The following CAMK2D variants were observed in gnomAD, a reference collection of about 807,000 sequenced individuals.
The protein encoded by CAMK2D is calcium/calmodulin-dependent protein kinase type II subunit delta.
Under a neutral mutation model 84.0 loss-of-function variants are expected in CAMK2D, and 37 were observed. The ratio of observed to expected loss-of-function variants is 0.44; its 90% confidence interval spans 0.34 to 0.58. The LOEUF (loss-of-function observed/expected upper bound fraction) is 0.58. Among genes scored for constraint, CAMK2D ranks in the 20% least tolerant of loss-of-function variants. CAMK2D has a pLI of 0.02. For synonymous variants in CAMK2D, 202 were observed against 212.5 expected (o/e 0.95, Z 0.43); for missense variants, 448 against 652.5 (o/e 0.69, Z 3.41).
intron 5 of CAMK2D, among the ~76,000 whole-genome samples, chr4:113,550,418 C>T (rs2154198098): frequency 6.6e-6 from 1 of 152,300 alleles, no homozygotes; most frequent in South Asian, 2.1e-4. Context: ...AGCAATCCTC[C>T]CACCTTGGCC....
chr4:113,671,965 T>G (rs1370300523), intron 2 of CAMK2D, among the ~76,000 whole-genome samples: 1 of 152,240 alleles, frequency 6.6e-6, no homozygotes, highest in East Asian at 1.9e-4. Flanking sequence ...TTATTTGTAA[T>G]CTTTTCCTTA....
rs2098240604 is a variant in CAMK2D at position 113,513,220 on chromosome 4, A to G, written c.946+108T>C. 4 of 1,560,782 alleles carry G rather than the reference A, an allele frequency of 2.6e-6. No homozygotes were observed. The South Asian group carries it at 4.9e-5, about 19-fold the overall frequency. ...TGCCACACATTTGCCACCCCTGAAC[A>G]ATGAAGTTTTTCTAATTATTAGATT... On this transcript the variant is annotated intron_variant, in intron 12 of 20. Coordinates refer to ENST00000511664, the MANE Select transcript of CAMK2D (RefSeq NM_001321571.2).
intron 16 of CAMK2D, among the ~76,000 whole-genome samples, chr4:113,472,794 A>G (rs7696743): frequency 0.34 from 51,418 of 151,914 alleles, 8,977 homozygotes; most frequent in Middle Eastern, 0.39. Context: ...TAAAATTGTT[A>G]TATAGCAACA....
intron 3 of CAMK2D, among the ~76,000 whole-genome samples, chr4:113,649,829 C>A (rs1394740235): frequency 1.3e-5 from 2 of 152,208 alleles, no homozygotes; most frequent in African/African-American, 4.8e-5. Flanking sequence ...TGCCTGTAAT[C>A]CCAGTACTTT....
intron 2 of CAMK2D, among the ~76,000 whole-genome samples, chr4:113,752,578 T>C (rs17593593): frequency 0.14 from 20,618 of 152,140 alleles, 1,499 homozygotes; most frequent in Middle Eastern, 0.17. Flanking sequence ...GCTTTCTGAG[T>C]AGGTTTCTCT....
intron 3 of CAMK2D, among the ~76,000 whole-genome samples, chr4:113,659,691 GT>G (rs2099220136): frequency 1.3e-5 from 2 of 152,160 alleles, no homozygotes; most frequent in Non-Finnish European, 2.9e-5. Context: ...ATAAATTTCT[GT>G]TGCTTAAGCC....
chr4:113,469,095 T>C (rs2097514836), intron 16 of CAMK2D, among the ~76,000 whole-genome samples: 2 of 152,230 alleles, frequency 1.3e-5, no homozygotes, highest in Admixed American at 6.5e-5. Context: ...TCATATATTT[T>C]TGGCTCTTGT....
At chr4:113,492,353 G>A (rs911628819) in intron 16 of CAMK2D, among the ~76,000 whole-genome samples, 99 of 152,006 alleles carry the variant, frequency 6.5e-4, no homozygotes, top group African/African-American at 2.2e-3. Context: ...CTTTGTTCTC[G>A]TTGGTTTCAA....
At chr4:113,664,338 T>C (rs752757403) in intron 2 of CAMK2D, among the ~76,000 whole-genome samples, 2 of 152,226 alleles carry the variant, frequency 1.3e-5, no homozygotes, top group Non-Finnish European at 2.9e-5. Flanking sequence ...TCACAGTTTC[T>C]GTGGGTCAGG....
At chr4:113,736,363 C>G (rs1272055258) in intron 2 of CAMK2D, among the ~76,000 whole-genome samples, 4 of 152,014 alleles carry the variant, frequency 2.6e-5, no homozygotes, top group African/African-American at 4.8e-5. Flanking sequence ...ACTAGTTAAC[C>G]CCAGAAATCA....
At chr4:113,531,455 C>T (rs1312173481) in intron 7 of CAMK2D, among the ~76,000 whole-genome samples, 156 bp from the exon 8 acceptor site, 1 of 152,106 alleles carries the variant, frequency 6.6e-6, no homozygotes, top group East Asian at 1.9e-4. Flanking sequence ...TAGACTTTCT[C>T]TTTATAGAAA....
chr4:113,697,154 G>C (rs1030168718), intron 2 of CAMK2D, among the ~76,000 whole-genome samples: 3 of 152,024 alleles, frequency 2.0e-5, no homozygotes, highest in Non-Finnish European at 4.4e-5. Context: ...GAAGAAAGAA[G>C]GGAAGGCAAA....
In CAMK2D at chr4:113,742,418, T is replaced by A. The variant is rs185339059; in HGVS notation, c.160+16902A>T. Among the ~76,000 whole-genome samples, 161 of 152,200 alleles carry A rather than the reference T, an allele frequency of 1.1e-3. 2 individuals carry two copies. Among genetic ancestry groups the A allele is most frequent in the African/African-American group, 3.7e-3 (155 of 41,536 alleles). On this transcript the variant is annotated intron_variant, in intron 2 of 20. Transcript: ENST00000511664. ...AGGGTGGTAGAGAAGGGAAAAATCA[T>A]GAATAATTAGATTTTAAACATCAAT...
At chr4:113,620,067 A>T (rs558454277) in intron 3 of CAMK2D, among the ~76,000 whole-genome samples, 10 of 152,176 alleles carry the variant, frequency 6.6e-5, no homozygotes, top group Non-Finnish European at 1.2e-4. Context: ...CTGCACTAAG[A>T]ATGTAGGATG....
intron 8 of CAMK2D, among the ~76,000 whole-genome samples, chr4:113,523,207 A>T (rs756878673): frequency 9.2e-5 from 14 of 152,184 alleles, no homozygotes; most frequent in South Asian, 2.1e-4. Context: ...ACTTTGTTAT[A>T]GCAGCCTGAA....
chr4:113,756,504 T>A (rs1388739435), intron 2 of CAMK2D, among the ~76,000 whole-genome samples: 1 of 152,070 alleles, frequency 6.6e-6, no homozygotes, highest in Non-Finnish European at 1.5e-5. Context: ...ACAAGCATAC[T>A]ATTTTGCAAT....
chr4:113,457,642 C>A, intron 18 of CAMK2D, 79 bp from the exon 19 acceptor site: 2 of 1,031,698 alleles, frequency 1.9e-6, no homozygotes, highest in Non-Finnish European at 2.9e-6. Context: ...TCAGTTAGGA[C>A]CAATGAATGA....
Position 113,649,458 on chromosome 4 carries a change from T to G in CAMK2D, c.220+12255A>C, listed in dbSNP as rs28701995. ...AGTCATTCAAGTGCGACAAAGACTT[T>G]TAACTCTATTTTTTCTTTTGTGGGC... On this transcript the variant is annotated intron_variant, in intron 3 of 20. Transcript: ENST00000511664. Among the ~76,000 whole-genome samples the G allele has an allele frequency of 7.9e-3, 1,197 of 152,286 alleles. 10 individuals carry two copies. Among genetic ancestry groups the G allele is most frequent in the African/African-American group, 0.028 (1,147 of 41,572 alleles).
At chr4:113,562,066 C>T (rs1009628977) in intron 4 of CAMK2D, among the ~76,000 whole-genome samples, 7 of 152,112 alleles carry the variant, frequency 4.6e-5, no homozygotes, top group African/African-American at 1.7e-4. Flanking sequence ...TGACTTTTTA[C>T]TGGATATAAA....
Sources: allele counts gnomAD v4.1 joint callset (sites outside exome capture counted in the v4.1 genomes callset), GRCh38; gene constraint gnomAD v4.1.1; transcripts MANE v1.5; gene names NCBI Gene and HGNC (gene_info 2026-07-23, HGNC 2026-07-21).